Variants in CDKL5 observed in about 807,000 individuals in gnomAD.
CDKL5 encodes cyclin dependent kinase like 5, also known as cyclin-dependent kinase-like 5.
A neutral mutation model predicts 61.7 loss-of-function variants in CDKL5; 8 were observed. The observed-to-expected ratio is 0.13, with a 90% CI of 0.08 to 0.23. The LOEUF (loss-of-function observed/expected upper bound fraction) is 0.23, where lower values mean the gene tolerates loss of function less well. Ranked by LOEUF, CDKL5 falls within the 10% of genes least tolerant of loss-of-function variation. The pLI, the probability that CDKL5 is intolerant of heterozygous loss-of-function variation, is 1.00. For missense variants in CDKL5, 440 were observed against 734.5 expected (o/e 0.60, Z 4.63); for synonymous variants, 275 against 272.3 (o/e 1.01, Z -0.10).
intron 1 of CDKL5, among the ~76,000 whole-genome samples, chrX:18,444,607 G>A (rs181834002): frequency 9.9e-4 from 111 of 112,176 alleles, no homozygotes; most frequent in African/African-American, 3.5e-3. Context: ...ATGAGCCACT[G>A]TGCCCCACCT....
chrX:18,505,211 T>A (rs1320392546), intron 1 of CDKL5, among the ~76,000 whole-genome samples: 1 of 111,862 alleles, frequency 8.9e-6, no homozygotes, highest in East Asian at 2.8e-4. Context: ...TCTTTCTGTC[T>A]TTTTTCTCTT....
intron 1 of CDKL5, among the ~76,000 whole-genome samples, chrX:18,442,646 T>A (rs900786327): frequency 4.5e-5 from 5 of 110,688 alleles, no homozygotes; most frequent in Admixed American, 1.9e-4. Context: ...GGTGCCCGCC[T>A]CCACGCCCGG....
At position 18,629,871 on chromosome X, in the gene CDKL5, G is replaced by A; in HGVS notation, c.*1114G>A. On this transcript the variant is annotated 3_prime_UTR_variant, in exon 18 of 18. Coordinates refer to ENST00000623535, the MANE Select transcript of CDKL5 (RefSeq NM_001323289.2). ...TAGAGAGAATGTGCTCTTCCACTTA[G>A]CATTAGTGTAGAGCGTAGACCAAAG... 4 of 754,406 alleles carry A rather than the reference G, an allele frequency of 5.3e-6. No individual in the cohort carries two copies. The highest frequency in any genetic ancestry group is 6.3e-6 in the Non-Finnish European group (4 of 639,361). 62.2% of individuals were successfully genotyped at this position (754,406 alleles called of 1,213,427 possible). A position where few individuals can be genotyped will look rare whatever the true frequency, so the allele number is the denominator to read the frequency against.
chrX:18,573,797 A>G (rs1473653958), intron 4 of CDKL5, among the ~76,000 whole-genome samples: 3 of 112,166 alleles, frequency 2.7e-5, no homozygotes, highest in East Asian at 5.6e-4. Context: ...CCAGTTCACA[A>G]GGGAGTGTTG....
At chrX:18,502,685 A>G (rs897085123) in intron 1 of CDKL5, among the ~76,000 whole-genome samples, 3 of 111,687 alleles carry the variant, frequency 2.7e-5, no homozygotes, top group African/African-American at 6.5e-5. Context: ...AGTATGGTCT[A>G]TTCTGGGCTC....
In CDKL5 at chrX:18,630,102, C is replaced by CAATTCCA; in HGVS notation, c.*1346_*1352dup. On this transcript the variant is annotated 3_prime_UTR_variant, in exon 18 of 18. Transcript: ENST00000623535. Reference sequence around the variant, plus strand: ...TACCATATTTAAAAGGCTCCTGGAGCAATTCCAGATAGATAAAAAATTACT... The same window carrying CAATTCCA: ...TACCATATTTAAAAGGCTCCTGGAGCAATTCCAAATTCCAGATAGATAAAAAATTACT... The CAATTCCA allele has an allele frequency of 1.3e-6, 1 of 753,824 alleles. No individual in the cohort carries two copies. Among genetic ancestry groups the CAATTCCA allele is most frequent in the Non-Finnish European group, 1.6e-6 (1 of 639,120 alleles). The allele number at this position is 753,824 out of a possible 1,213,427, so 62.1% of individuals were successfully genotyped here.
Position 18,510,813 on chromosome X carries a change from A to C in CDKL5, c.65-7A>C. 2 of 1,190,940 alleles carry C rather than the reference A, an allele frequency of 1.7e-6. No homozygotes were observed. Among genetic ancestry groups the C allele is most frequent in the East Asian group, 5.9e-5 (2 of 33,679 alleles). The stretch of plus-strand genomic sequence containing the variant: ...TGCCCTTGATTGTTTACTTCTTTTT[A>C]TTATAGGAGCCTATGGAGTTGTACT... On this transcript the variant is annotated splice_polypyrimidine_tract_variant and splice_region_variant and intron_variant, in intron 2 of 17. Coordinates refer to ENST00000623535, the MANE Select transcript of CDKL5 (RefSeq NM_001323289.2).
Position 18,536,540 on chromosome X carries a change from G to A in CDKL5, c.99+25686G>A, listed in dbSNP as rs773384367. Reference sequence around the variant, plus strand: ...CCGCTTACTGCAACTTCTGCCTCCCGGTTCAAGTGATTCTCCTGCCTCAGC... The same window carrying A: ...CCGCTTACTGCAACTTCTGCCTCCCAGTTCAAGTGATTCTCCTGCCTCAGC... On this transcript the variant is annotated intron_variant, in intron 3 of 17. Transcript: ENST00000623535. Among the ~76,000 whole-genome samples the A allele has an allele frequency of 7.4e-5, 7 of 94,664 alleles. No individual in the cohort carries two copies. In the South Asian group the frequency reaches 3.9e-3, roughly 53 times the overall value. The allele number at this position is 94,664 out of a possible 115,157, so 82.2% of individuals were successfully genotyped here.
chrX:18,571,274 T>G lies in CDKL5; in HGVS notation c.146-4080T>G, dbSNP rs147935409. Among the ~76,000 whole-genome samples, 13 of 111,759 alleles carry G rather than the reference T, an allele frequency of 1.2e-4. No homozygotes were observed. The East Asian group carries it at 3.7e-3, about 32-fold the overall frequency. Reference sequence around the variant, plus strand: ...CATAGTTATACCTGAACCTGGGTACTGTGACTCACTTTCCAAAACTCACTG... The same window carrying G: ...CATAGTTATACCTGAACCTGGGTACGGTGACTCACTTTCCAAAACTCACTG... On this transcript the variant is annotated intron_variant, in intron 4 of 17. Coordinates refer to ENST00000623535, the MANE Select transcript of CDKL5 (RefSeq NM_001323289.2).
chrX:18,577,648 A>C (rs1486935951), intron 5 of CDKL5, among the ~76,000 whole-genome samples: 1 of 112,036 alleles, frequency 8.9e-6, no homozygotes, highest in African/African-American at 3.2e-5. Context: ...TGGCCAGGAC[A>C]TAGTTGCATG....
chrX:18,524,637 C>T (rs150483357), intron 3 of CDKL5, among the ~76,000 whole-genome samples: 1,639 of 112,098 alleles, frequency 0.015, 34 homozygotes, highest in African/African-American at 0.051. Context: ...TTTTGTCTTT[C>T]ATGGACAGTC....
chrX:18,514,575 C>T (rs1256414872), intron 3 of CDKL5, among the ~76,000 whole-genome samples: 2 of 108,274 alleles, frequency 1.8e-5, no homozygotes, highest in African/African-American at 6.7e-5. Flanking sequence ...GGCGTGGGGG[C>T]GCATGCTTTT....
At chrX:18,532,947 C>T (rs1055932098) in intron 3 of CDKL5, among the ~76,000 whole-genome samples, 8 of 111,560 alleles carry the variant, frequency 7.2e-5, no homozygotes, top group African/African-American at 9.8e-5. Flanking sequence ...ATTTAAAGAT[C>T]GCTTATTAGT....
chrX:18,543,397 T>C (rs1363942592), intron 3 of CDKL5, among the ~76,000 whole-genome samples: 2 of 110,070 alleles, frequency 1.8e-5, no homozygotes, highest in Non-Finnish European at 3.8e-5. Context: ...GGAACTTGCC[T>C]CTCAAGTGCC....
chrX:18,529,300 G>C (rs1487890608), intron 3 of CDKL5, among the ~76,000 whole-genome samples: 3 of 106,815 alleles, frequency 2.8e-5, no homozygotes, highest in Non-Finnish European at 5.8e-5. Context: ...ACTTTTACTA[G>C]AATTTTTGAA....
intron 3 of CDKL5, among the ~76,000 whole-genome samples, chrX:18,531,462 C>G (rs181958400): frequency 6.6e-4 from 74 of 111,502 alleles, no homozygotes; most frequent in African/African-American, 2.4e-3. Context: ...AGATTTAGTC[C>G]CCAGGAGTTC....
At chrX:18,533,222 A>T (rs1245439537) in intron 3 of CDKL5, among the ~76,000 whole-genome samples, 1 of 111,893 alleles carries the variant, frequency 8.9e-6, no homozygotes, top group Non-Finnish European at 1.9e-5. Context: ...TTACAATAAG[A>T]TCTATTTGTG....
At chrX:18,448,359 T>A (rs1030835069) in intron 1 of CDKL5, among the ~76,000 whole-genome samples, 1 of 111,975 alleles carries the variant, frequency 8.9e-6, no homozygotes, top group Non-Finnish European at 1.9e-5. Context: ...TCCCTTATTT[T>A]GCCCATCAGG....
At chrX:18,457,306 C>T (rs1023095767) in intron 1 of CDKL5, among the ~76,000 whole-genome samples, 5 of 111,693 alleles carry the variant, frequency 4.5e-5, no homozygotes, top group African/African-American at 9.8e-5. Context: ...ATATTTAGTG[C>T]ATATTGTTCT....
Sources: gnomAD v4.1 joint callset for allele counts (sites outside exome capture counted in the v4.1 genomes callset) on GRCh38, gnomAD v4.1.1 for gene constraint, MANE v1.5 for transcripts, NCBI Gene and HGNC (gene_info 2026-07-23, HGNC 2026-07-21) for gene names.